The following EPM2A variants were observed in gnomAD, a reference collection of about 807,000 sequenced individuals.
The protein encoded by EPM2A is laforin.
In EPM2A, 21 loss-of-function variants were observed where a neutral mutation model predicts 26.5. The ratio of observed to expected loss-of-function variants is 0.79; its 90% CI spans 0.56 to 1.14. EPM2A has a LOEUF of 1.14. Among genes scored for constraint, EPM2A ranks in the 50% most tolerant of loss-of-function variants. EPM2A has a pLI of 0.00. For synonymous variants in EPM2A, 217 were observed against 177.6 expected (o/e 1.22, Z -1.76); for missense variants, 458 against 440.8 (o/e 1.04, Z -0.35).
chr6:145,730,217 TA>T (rs1776418436), intron 1 of EPM2A, among the ~76,000 whole-genome samples: 1 of 152,212 alleles, frequency 6.6e-6, no homozygotes, highest in South Asian at 2.1e-4. Flanking sequence ...AAGAACTGAC[TA>T]ATACACCCAG....
intron 4 of EPM2A, among the ~76,000 whole-genome samples, chr6:145,413,471 G>T (rs547467771): frequency 2.6e-5 from 4 of 152,116 alleles, no homozygotes; most frequent in Non-Finnish European, 4.4e-5. Context: ...TGTGCTAATA[G>T]AATCTTAATA....
intron 2 of EPM2A, among the ~76,000 whole-genome samples, chr6:145,567,033 A>G (rs954184848): frequency 6.6e-6 from 1 of 151,978 alleles, no homozygotes; most frequent in Non-Finnish European, 1.5e-5. Context: ...ATGAGTTAAC[A>G]CTCTTTTACA....
chr6:145,531,894 T>C (rs1780361331), intron 2 of EPM2A, among the ~76,000 whole-genome samples: 2 of 152,190 alleles, frequency 1.3e-5, no homozygotes, highest in South Asian at 4.1e-4. Flanking sequence ...ATTAAGCTCA[T>C]CTTCTAAATC....
intron 2 of EPM2A, among the ~76,000 whole-genome samples, chr6:145,616,111 C>A (rs928679397): frequency 6.6e-6 from 1 of 152,232 alleles, no homozygotes; most frequent in Non-Finnish European, 1.5e-5. Flanking sequence ...TGCAGCCCCT[C>A]CCATCACAGG....
chr6:145,670,984 G>A (rs755254690), intron 2 of EPM2A: 2 of 983,100 alleles, frequency 2.0e-6, no homozygotes, highest in Non-Finnish European at 2.4e-6. Flanking sequence ...TGTAATCTTG[G>A]TCTTAAGATT....
At chr6:145,598,147 A>T (rs1466694083) in intron 2 of EPM2A, among the ~76,000 whole-genome samples, 17 of 152,210 alleles carry the variant, frequency 1.1e-4, no homozygotes, top group Admixed American at 1.1e-3. Flanking sequence ...AGAAATAATC[A>T]TACTGCTTTC....
intron 2 of EPM2A, among the ~76,000 whole-genome samples, chr6:145,677,671 A>C (rs1780165498): frequency 6.6e-6 from 1 of 152,208 alleles, no homozygotes; most frequent in Admixed American, 6.5e-5. Flanking sequence ...GTGAACTCCC[A>C]TTCACAATTG....
chr6:145,712,477 T>C (rs1040760576), intron 1 of EPM2A, among the ~76,000 whole-genome samples: 5 of 152,032 alleles, frequency 3.3e-5, no homozygotes, highest in Admixed American at 6.6e-5. Context: ...AGCTGAAACA[T>C]GACTTTACCA....
At chr6:145,676,376 A>C (rs1780040430) in intron 2 of EPM2A, among the ~76,000 whole-genome samples, 1 of 152,222 alleles carries the variant, frequency 6.6e-6, no homozygotes, top group Admixed American at 6.5e-5. Flanking sequence ...CTGTAGAAGC[A>C]AGAGCAAACA....
downstream of EPM2A, among the ~76,000 whole-genome samples, chr6:145,498,849 C>A (rs1001782201): frequency 6.6e-6 from 1 of 152,206 alleles, no homozygotes; most frequent in Non-Finnish European, 1.5e-5. Flanking sequence ...TTTATCCACT[C>A]ATTCACTAAT....
At chr6:145,518,752 C>T (rs1030282590) in intron 2 of EPM2A, among the ~76,000 whole-genome samples, 2 of 152,026 alleles carry the variant, frequency 1.3e-5, no homozygotes, top group African/African-American at 4.8e-5. Flanking sequence ...TTAATAATCC[C>T]GCTTCTATTC....
intron 2 of EPM2A, among the ~76,000 whole-genome samples, chr6:145,598,286 T>A (rs1472652726): frequency 6.6e-6 from 1 of 152,202 alleles, no homozygotes; most frequent in African/African-American, 2.4e-5. Context: ...TGAGATGGTA[T>A]CTCACTGTGG....
At chr6:145,499,443 T>C (rs1483911370), downstream of EPM2A, among the ~76,000 whole-genome samples, 1 of 152,244 alleles carries the variant, frequency 6.6e-6, no homozygotes, top group Non-Finnish European at 1.5e-5. Flanking sequence ...CTTCTTATAC[T>C]TTCAAATCAT....
intron 2 of EPM2A, among the ~76,000 whole-genome samples, chr6:145,685,413 A>G (rs1459069179): frequency 6.6e-6 from 1 of 152,128 alleles, no homozygotes; most frequent in Non-Finnish European, 1.5e-5. Context: ...GTGGGGAGAG[A>G]GGACAAGTAT....
chr6:145,396,458 CT>C (rs1778406617), intron 4 of EPM2A, among the ~76,000 whole-genome samples: 2 of 152,218 alleles, frequency 1.3e-5, no homozygotes, highest in Admixed American at 1.3e-4. Context: ...ACCCAGCACT[CT>C]TTAGAGACCG....
chr6:145,423,710 A>G (rs951280376), intron 4 of EPM2A, among the ~76,000 whole-genome samples: 1 of 152,184 alleles, frequency 6.6e-6, no homozygotes, highest in Non-Finnish European at 1.5e-5. Flanking sequence ...TAGACAGCAT[A>G]GCTAGTGGTC....
chr6:145,523,845 T>C (rs1252495623), intron 2 of EPM2A, among the ~76,000 whole-genome samples: 2 of 152,170 alleles, frequency 1.3e-5, no homozygotes, highest in African/African-American at 2.4e-5. Context: ...GTATATTGTG[T>C]AGTGGTCAGG....
intron 2 of EPM2A, among the ~76,000 whole-genome samples, chr6:145,532,955 C>T (rs1459485141): frequency 6.6e-6 from 1 of 152,088 alleles, no homozygotes; most frequent in Non-Finnish European, 1.5e-5. Context: ...CCCTTGATGA[C>T]CCCTAGATGT....
chr6:145,554,459 G>GATAGATAGATAGATACATAC (rs1187061981), intron 2 of EPM2A, among the ~76,000 whole-genome samples: 20 of 151,612 alleles, frequency 1.3e-4, no homozygotes, highest in African/African-American at 4.9e-4. Flanking sequence ...TAGATAGATA[G>GATAGATAGATAGATACATAC]ATAGATAGAT....
Sources: allele counts gnomAD v4.1 joint callset (sites outside exome capture counted in the v4.1 genomes callset), GRCh38; gene constraint gnomAD v4.1.1; transcripts MANE v1.5; gene names NCBI Gene and HGNC (gene_info 2026-07-23, HGNC 2026-07-21).